Variants in PBK observed in about 807,000 individuals in gnomAD.
PBK encodes lymphokine-activated killer T-cell-originated protein kinase.
A neutral mutation model predicts 33.5 loss-of-function variants in PBK; 22 were observed. The ratio of observed to expected loss-of-function variants is 0.66; its 90% CI spans 0.47 to 0.94. PBK has a LOEUF of 0.94. PBK is among the 40% of genes least tolerant of loss of function. PBK has a pLI of 0.00. For synonymous variants in PBK, 129 were observed against 123.8 expected, an observed-to-expected ratio of 1.04 and a Z score of -0.28; for missense variants, 376 against 383.4, an observed-to-expected ratio of 0.98 and a Z score of 0.16.
intron 6 of PBK, among the ~76,000 whole-genome samples, chr8:27,816,398 A>G (rs1257736041): frequency 7.2e-6 from 1 of 139,140 alleles, no homozygotes; most frequent in African/African-American, 2.8e-5. Flanking sequence ...TTTTTTTTTG[A>G]GATGGAATCT....
chr8:27,820,824 A>AT (rs71553893), intron 5 of PBK, 130 bp from the exon 6 acceptor site: 92,271 of 384,048 alleles, frequency 0.24, 5,869 homozygotes, highest in Middle Eastern at 0.28. Context: ...GCGTTTCAAA[A>AT]TTTTTTTTTT....
chr8:27,823,118 CTT>C lies in PBK; in HGVS notation c.238_239del (p.Lys80GlufsTer5). On this transcript the variant is annotated frameshift_variant, in exon 4 of 8. Transcript: ENST00000301905. LOFTEE classifies it high-confidence loss of function. The stretch of plus-strand genomic sequence containing the variant: ...AAATCTTAGCTTCATCCATTAGTCT[CTT>C]TTGATACACACTTCGATAATGATCA... ...CNDHYRSVYQ[K>X]RLMDEAKILK... 6.3e-7 allele frequency: 1 copy of C among 1,582,382 alleles called. No homozygotes were observed. Among genetic ancestry groups the C allele is most frequent in the Non-Finnish European group, 8.7e-7 (1 of 1,152,758 alleles).
intron 2 of PBK, among the ~76,000 whole-genome samples, chr8:27,829,936 C>A (rs564020029): frequency 1.3e-5 from 2 of 151,874 alleles, no homozygotes; most frequent in East Asian, 3.9e-4. Context: ...AGAGTGGTGG[C>A]TCACGCCTGT....
chr8:27,811,907 A>C (rs1038674449), intron 6 of PBK: 3 of 152,142 alleles, frequency 2.0e-5, no homozygotes, highest in Admixed American at 1.3e-4. Flanking sequence ...TTGTAAATAG[A>C]TTTTAAACAA....
At chr8:27,836,800 T>C (rs185164597) in intron 1 of PBK, among the ~76,000 whole-genome samples, 14 of 152,338 alleles carry the variant, frequency 9.2e-5, no homozygotes, top group Admixed American at 4.6e-4. Flanking sequence ...TAACATTTCA[T>C]TATGTTCTCT....
intron 6 of PBK, chr8:27,811,336 G>A: frequency 1.6e-6 from 1 of 606,192 alleles, no homozygotes; most frequent in Non-Finnish European, 2.9e-6. Flanking sequence ...TGGTCAGTTG[G>A]CAGGTATGTA....
chr8:27,823,018 TA>T, intron 4 of PBK, 44 bp downstream of exon 4: 2 of 1,324,744 alleles, frequency 1.5e-6, no homozygotes, highest in Non-Finnish European at 2.1e-6. Context: ...TGTTTCTGAA[TA>T]AACAAAATAA....
At chr8:27,815,278 C>T (rs1805788190) in intron 6 of PBK, among the ~76,000 whole-genome samples, 1 of 152,188 alleles carries the variant, frequency 6.6e-6, no homozygotes, top group Admixed American at 6.5e-5. Context: ...ATTCCGTTAA[C>T]ATTTTGAGAG....
chr8:27,820,556 A>G lies in PBK; in HGVS notation c.595+9T>C. ...AAACAAAATTTTAAAACTTAAGAGT[A>G]CAACTTACCAGTCATATTTTCATCC... On this transcript the variant is annotated intron_variant, in intron 6 of 7. Transcript: ENST00000301905. The G allele has an allele frequency of 6.5e-7, 1 of 1,533,230 alleles. No individual in the cohort carries two copies. The allele number at this position is 1,533,230 out of a possible 1,614,324, so 95.0% of individuals were successfully genotyped here.
chr8:27,833,453 G>C (rs984021108), intron 1 of PBK, among the ~76,000 whole-genome samples: 2 of 151,538 alleles, frequency 1.3e-5, no homozygotes, highest in South Asian at 4.2e-4. Context: ...AGGTTGCGGT[G>C]AGCCGAGATC....
intron 1 of PBK, among the ~76,000 whole-genome samples, chr8:27,835,824 C>T (rs1428215864): frequency 6.6e-6 from 1 of 152,244 alleles, no homozygotes; most frequent in Non-Finnish European, 1.5e-5. Context: ...GCTGGGATTA[C>T]AGGCGTGAGC....
rs1806150551 is a variant in PBK, at chr8:27,832,635, A to G, written c.58+421T>C. 2.0e-5 allele frequency among the ~76,000 whole-genome samples: 3 copies of G among 152,334 alleles called. No homozygotes were observed. In the South Asian group the frequency reaches 6.2e-4, roughly 32 times the overall value. ...TGTTATTTTCTAGAAATTTAATTGT[A>G]GCTATTTTTTATATAATAGGAGTTA... On this transcript the variant is annotated intron_variant, in intron 2 of 7. Transcript: ENST00000301905.
At chr8:27,821,903 A>ATGTTT (rs1195791800) in intron 5 of PBK, among the ~76,000 whole-genome samples, 1 of 152,112 alleles carries the variant, frequency 6.6e-6, no homozygotes, top group Non-Finnish European at 1.5e-5. Context: ...TACCTTTTCT[A>ATGTTT]TGTTTTGATA....
At chr8:27,836,054 G>A (rs1250537828) in intron 1 of PBK, among the ~76,000 whole-genome samples, 1 of 152,208 alleles carries the variant, frequency 6.6e-6, no homozygotes, top group Non-Finnish European at 1.5e-5. Context: ...TATTTCAGGG[G>A]AAATATATAT....
chr8:27,814,148 G>A (rs924558663), intron 6 of PBK, among the ~76,000 whole-genome samples: 2 of 152,080 alleles, frequency 1.3e-5, no homozygotes, highest in African/African-American at 4.8e-5. Flanking sequence ...TTCTTCCTTG[G>A]ATATTTGGTA....
chr8:27,836,645 T>C (rs1188075572), intron 1 of PBK, among the ~76,000 whole-genome samples: 3 of 152,042 alleles, frequency 2.0e-5, no homozygotes, highest in African/African-American at 7.2e-5. Flanking sequence ...CCCTGGCGCG[T>C]AGAGTGTCCT....
intron 3 of PBK, among the ~76,000 whole-genome samples, chr8:27,827,323 A>T: frequency 6.6e-6 from 1 of 152,172 alleles, no homozygotes; most frequent in African/African-American, 2.4e-5. Context: ...GAAGGCGGGC[A>T]GATCGCTTGA....
chr8:27,822,220 A>G, intron 5 of PBK, 99 bp downstream of exon 5: 1 of 875,356 alleles, frequency 1.1e-6, no homozygotes, highest in Non-Finnish European at 1.8e-6. Context: ...ACAAGTAACA[A>G]TATCCATCCA....
At chr8:27,830,955 A>G (rs980661360) in intron 2 of PBK, among the ~76,000 whole-genome samples, 2 of 152,216 alleles carry the variant, frequency 1.3e-5, no homozygotes, top group African/African-American at 2.4e-5. Context: ...CTCCAGAACA[A>G]AGAGTACCAC....
Sources: allele counts gnomAD v4.1 joint callset (sites outside exome capture counted in the v4.1 genomes callset), GRCh38; gene constraint gnomAD v4.1.1; transcripts MANE v1.5; gene names NCBI Gene and HGNC (gene_info 2026-07-23, HGNC 2026-07-21).